ANKS1B: variants seen among roughly 807,000 people sequenced by gnomAD.
ANKS1B encodes the protein ankyrin repeat and sterile alpha motif domain containing 1B, also known as ankyrin repeat and sterile alpha motif domain-containing protein 1B.
A neutral mutation model predicts 148.3 loss-of-function variants in ANKS1B; 36 were observed. That is an observed-to-expected ratio of 0.24 (90% confidence interval 0.19 to 0.32). ANKS1B has a LOEUF of 0.32. ANKS1B is among the 10% of genes least tolerant of loss of function. The pLI is 1.00. For synonymous variants in ANKS1B, 542 were observed against 560.8 expected (o/e 0.97, Z 0.47); for missense variants, 1,157 against 1,542.6 (o/e 0.75, Z 4.19).
intron 11 of ANKS1B, among the ~76,000 whole-genome samples, chr12:99,410,340 T>TAAA (rs35507299): frequency 6.8e-6 from 1 of 147,548 alleles, no homozygotes; most frequent in Admixed American, 6.8e-5. Flanking sequence ...TGATCTTTTA[T>TAAA]AAAAAAAAAA....
At chr12:99,156,397 C>T (rs1016804910) in intron 14 of ANKS1B, among the ~76,000 whole-genome samples, 2 of 152,252 alleles carry the variant, frequency 1.3e-5, no homozygotes, top group Non-Finnish European at 1.5e-5. Flanking sequence ...TCAGAATAAT[C>T]CCTTTAAGAC....
intron 12 of ANKS1B, among the ~76,000 whole-genome samples, chr12:99,363,904 C>T (rs892755094): frequency 6.6e-6 from 1 of 152,114 alleles, no homozygotes; most frequent in Non-Finnish European, 1.5e-5. Flanking sequence ...GGCTCCAGAG[C>T]CCTTACCTTA....
intron 14 of ANKS1B, among the ~76,000 whole-genome samples, chr12:99,162,053 G>A (rs1400978956): frequency 1.3e-5 from 2 of 150,824 alleles, no homozygotes; most frequent in Admixed American, 6.6e-5. Flanking sequence ...ATCATGCCAA[G>A]TGAAAAAAAA....
rs1003823150 is a variant in ANKS1B, at chr12:99,969,986, A to C, written c.134+14118T>G. The stretch of plus-strand genomic sequence containing the variant: ...TTGAAGAATATAATTTTATGTAAAA[A>C]AAGTGGCCTGTGTGATGTTTACAAC... On this transcript the variant is annotated intron_variant, in intron 1 of 26. Transcript: ENST00000683438. Among the ~76,000 whole-genome samples, 6 of 152,232 alleles carry C rather than the reference A, an allele frequency of 3.9e-5. No homozygotes were observed. The South Asian group carries it at 8.3e-4, about 21-fold the overall frequency.
chr12:99,463,378 T>A lies in ANKS1B; in HGVS notation c.1439-19569A>T, dbSNP rs561385055. Among the ~76,000 whole-genome samples, 3 of 152,248 alleles carry A rather than the reference T, an allele frequency of 2.0e-5. No homozygotes were observed. In the South Asian group the frequency reaches 6.2e-4, roughly 32 times the overall value. On this transcript the variant is annotated intron_variant, in intron 10 of 26. Coordinates refer to ENST00000683438, the MANE Select transcript of ANKS1B (RefSeq NM_001352186.2). Reference sequence around the variant, plus strand: ...CATGAGTGACGCAGAAGACGGGTGATTTCTGCATTTCCATCTGAGGTACCG... The same window carrying A: ...CATGAGTGACGCAGAAGACGGGTGAATTCTGCATTTCCATCTGAGGTACCG...
At chr12:99,780,018 C>A (rs771632677) in intron 5 of ANKS1B, 46 bp from the exon 6 acceptor site, 1 of 1,268,820 alleles carries the variant, frequency 7.9e-7, no homozygotes, top group Non-Finnish European at 1.1e-6. Flanking sequence ...ACTGAAGTAT[C>A]CTCAAAAGAT....
chr12:99,937,405 A>G (rs1435564708), intron 1 of ANKS1B, among the ~76,000 whole-genome samples: 1 of 152,204 alleles, frequency 6.6e-6, no homozygotes, highest in East Asian at 1.9e-4. Flanking sequence ...TAATATTTCT[A>G]CAATGTTGAA....
At chr12:99,141,527 C>G (rs2070772989) in intron 15 of ANKS1B, among the ~76,000 whole-genome samples, 1 of 151,738 alleles carries the variant, frequency 6.6e-6, no homozygotes, top group African/African-American at 2.4e-5. Flanking sequence ...ACCAATCACC[C>G]AGGTATTAAG....
rs1175196783 is a variant in ANKS1B, at chr12:99,762,968, CTAT to C, written c.1128+9951_1128+9953del. On this transcript the variant is annotated intron_variant, in intron 8 of 26. Coordinates refer to ENST00000683438, the MANE Select transcript of ANKS1B (RefSeq NM_001352186.2). ...TGCAATCTCACACCTGTCACAATGA[CTAT>C]TATTAAAAAGTTAAAAAAAAAACAG... 3.3e-5 allele frequency among the ~76,000 whole-genome samples: 5 copies of C among 151,880 alleles called. No individual in the cohort carries two copies. The East Asian group carries it at 7.7e-4, about 24-fold the overall frequency.
At chr12:98,928,700 A>C (rs2099811031) in intron 17 of ANKS1B, among the ~76,000 whole-genome samples, 1 of 152,028 alleles carries the variant, frequency 6.6e-6, no homozygotes, top group Admixed American at 6.6e-5. Context: ...CGTTATGAGC[A>C]CAATAGATGC....
At chr12:98,999,791 C>G (rs537980702) in intron 17 of ANKS1B, among the ~76,000 whole-genome samples, 1 of 152,298 alleles carries the variant, frequency 6.6e-6, no homozygotes, top group Non-Finnish European at 1.5e-5. Flanking sequence ...GGGCTGGGCT[C>G]TCCAAGTCTG....
At chr12:99,679,516 C>T (rs2098601861) in intron 8 of ANKS1B, among the ~76,000 whole-genome samples, 2 of 151,994 alleles carry the variant, frequency 1.3e-5, no homozygotes, top group Non-Finnish European at 2.9e-5. Flanking sequence ...CACTATGTTG[C>T]CCAGGCTGGT....
At chr12:99,656,023 T>C (rs1290462215) in intron 8 of ANKS1B, among the ~76,000 whole-genome samples, 1 of 152,232 alleles carries the variant, frequency 6.6e-6, no homozygotes, top group African/African-American at 2.4e-5. Context: ...ATTATACCCC[T>C]AGACCCATCT....
At chr12:99,290,984 T>C (rs1214171789) in intron 12 of ANKS1B, among the ~76,000 whole-genome samples, 1 of 152,152 alleles carries the variant, frequency 6.6e-6, no homozygotes, top group African/African-American at 2.4e-5. Flanking sequence ...GAAGTCAATT[T>C]ATCCTTGTTT....
At chr12:98,978,811 C>T (rs1475533691) in intron 17 of ANKS1B, among the ~76,000 whole-genome samples, 1 of 151,988 alleles carries the variant, frequency 6.6e-6, no homozygotes, top group African/African-American at 2.4e-5. Flanking sequence ...ATAATAATAA[C>T]ATATTTTTGC....
At chr12:99,850,309 C>T (rs2087556523) in intron 1 of ANKS1B, among the ~76,000 whole-genome samples, 1 of 151,690 alleles carries the variant, frequency 6.6e-6, no homozygotes, top group Non-Finnish European at 1.5e-5. Context: ...CTCTCTCTCT[C>T]TCTCTCTCTC....
chr12:99,177,177 T>C (rs554370084), intron 14 of ANKS1B, among the ~76,000 whole-genome samples: 1 of 152,318 alleles, frequency 6.6e-6, no homozygotes, highest in African/African-American at 2.4e-5. Flanking sequence ...TACAGTATTC[T>C]TCATGTTAAA....
At chr12:99,768,506 C>T (rs2062862693) in intron 8 of ANKS1B, among the ~76,000 whole-genome samples, 6 of 152,008 alleles carry the variant, frequency 3.9e-5, no homozygotes. Flanking sequence ...ATGATAACCC[C>T]TTATGATGTG....
chr12:98,863,477 A>G (rs2099609792), intron 17 of ANKS1B, among the ~76,000 whole-genome samples: 1 of 152,052 alleles, frequency 6.6e-6, no homozygotes, highest in African/African-American at 2.4e-5. Context: ...TTAGGTGGAG[A>G]CCCTGATTAG....
Sources: allele counts gnomAD v4.1 joint callset (sites outside exome capture counted in the v4.1 genomes callset), GRCh38; gene constraint gnomAD v4.1.1; transcripts MANE v1.5; gene names NCBI Gene and HGNC (gene_info 2026-07-23, HGNC 2026-07-21).